BIRC6: variants seen among roughly 807,000 people sequenced by gnomAD.
BIRC6 encodes baculoviral IAP repeat containing 6.
In BIRC6, 98 loss-of-function variants were observed where a neutral mutation model predicts 503.3. The ratio of observed to expected loss-of-function variants is 0.19; its 90% CI spans 0.17 to 0.23. The LOEUF is 0.23. Ranked by LOEUF, BIRC6 falls within the 10% of genes least tolerant of loss-of-function variation. BIRC6 has a pLI of 1.00. For synonymous variants in BIRC6, 2,240 were observed against 2,078.7 expected (o/e 1.08, Z -2.11); for missense variants, 5,360 against 5,806.0 (o/e 0.92, Z 2.50).
At position 32,500,136 on chromosome 2, in the gene BIRC6, C is replaced by T. The variant is rs1380920881; in HGVS notation, c.9031+27C>T. ...TATGTATTGAGAATATTAATCTTACCATTGTCTCTGATACTATAACTGGTT... is the reference window on the plus strand; with the variant it reads ...TATGTATTGAGAATATTAATCTTACTATTGTCTCTGATACTATAACTGGTT... On this transcript the variant is annotated intron_variant, in intron 46 of 73. Coordinates refer to ENST00000421745, the MANE Select transcript of BIRC6 (RefSeq NM_016252.4). 4.6e-6 allele frequency: 7 copies of T among 1,537,736 alleles called. No individual in the cohort carries two copies. In the South Asian group the frequency reaches 5.0e-5, roughly 11 times the overall value.
At chr2:32,460,673 G>C (rs2047798320) in intron 23 of BIRC6, among the ~76,000 whole-genome samples, 1 of 151,802 alleles carries the variant, frequency 6.6e-6, no homozygotes, top group Non-Finnish European at 1.5e-5. Context: ...AAAGATTTCT[G>C]ATTAGTTCTA....
intron 26 of BIRC6, 35 bp from the exon 27 acceptor site, chr2:32,467,490 T>C (rs2048685728): frequency 3.3e-6 from 5 of 1,537,494 alleles, no homozygotes; most frequent in East Asian, 2.3e-5. Flanking sequence ...TTAATTGATA[T>C]ATTTTTGGTC....
At position 32,509,961 on chromosome 2, in the gene BIRC6, A is replaced by C; in HGVS notation, c.10204A>C (p.Arg3402=). ...CCTGAAGCTCATAGACATTCTCCTG[A>C]GAAATTGTGCAGCATCAGGCAGTGA... ...IGLKLIDILL[R]NCAASGSDPT... Residue 3402 remains arginine, a synonymous_variant, in exon 52 of 74, where the codon AGA becomes CGA. Transcript: ENST00000421745. The C allele has an allele frequency of 6.2e-7, 1 of 1,614,000 alleles. No homozygotes were observed. Among genetic ancestry groups the C allele is most frequent in the Non-Finnish European group, 8.5e-7 (1 of 1,179,888 alleles).
At chr2:32,584,678 A>G (rs1344619065) in intron 66 of BIRC6, among the ~76,000 whole-genome samples, 3 of 152,206 alleles carry the variant, frequency 2.0e-5, no homozygotes. Flanking sequence ...TAAACCCTAA[A>G]TATTGGTTCT....
intron 15 of BIRC6, among the ~76,000 whole-genome samples, chr2:32,437,611 G>C (rs2044871216): frequency 6.6e-6 from 1 of 152,106 alleles, no homozygotes; most frequent in Non-Finnish European, 1.5e-5. Context: ...ATTCTTTTCT[G>C]GTTTTGGAAT....
intron 23 of BIRC6, among the ~76,000 whole-genome samples, chr2:32,459,324 G>T (rs1385795409): frequency 2.0e-5 from 3 of 152,098 alleles, no homozygotes; most frequent in African/African-American, 7.2e-5. Flanking sequence ...TCATCTACGG[G>T]TAAAGATTTA....
At chr2:32,492,729 C>G (rs987673086) in intron 44 of BIRC6, among the ~76,000 whole-genome samples, 4 of 151,978 alleles carry the variant, frequency 2.6e-5, no homozygotes, top group Admixed American at 2.6e-4. Context: ...TACTGAAGAT[C>G]AAGCTTTCCT....
chr2:32,461,043 T>TCTCCTCTCCTCTCC lies in BIRC6; in HGVS notation c.4754-2151_4754-2150insCTCCTCTCCTCTCC, dbSNP rs1558789533. On this transcript the variant is annotated intron_variant, in intron 23 of 73. Transcript: ENST00000421745. Reference sequence around the variant, plus strand: ...TTCTCTTCTCTTCTCTTCTCTTCTCTTCTCTTCTCTTCTCTTCTCTTCTGT... The same window carrying TCTCCTCTCCTCTCC: ...TTCTCTTCTCTTCTCTTCTCTTCTCTCTCCTCTCCTCTCCTCTCTTCTCTTCTCTTCTCTTCTGT... 3.2e-5 allele frequency among the ~76,000 whole-genome samples: 2 copies of TCTCCTCTCCTCTCC among 62,078 alleles called. 1 individual carries two copies. Among genetic ancestry groups the TCTCCTCTCCTCTCC allele is most frequent in the Non-Finnish European group, 8.0e-5 (2 of 24,880 alleles). 40.7% of individuals were successfully genotyped at this position (62,078 alleles called of 152,430 possible). A position where few individuals can be genotyped will look rare whatever the true frequency, so the allele number is the denominator to read the frequency against.
At chr2:32,370,673 T>G (rs1245794167) in intron 1 of BIRC6, among the ~76,000 whole-genome samples, 1 of 152,194 alleles carries the variant, frequency 6.6e-6, no homozygotes, top group Non-Finnish European at 1.5e-5. Context: ...AACCTTACAT[T>G]AATTTTGTAC....
intron 5 of BIRC6, among the ~76,000 whole-genome samples, chr2:32,392,417 G>C (rs1451886140): frequency 6.6e-6 from 1 of 151,886 alleles, no homozygotes; most frequent in African/African-American, 2.4e-5. Context: ...CATCACACCT[G>C]GCTAATTTTT....
intron 66 of BIRC6, among the ~76,000 whole-genome samples, chr2:32,592,157 G>A (rs1187429876): frequency 1.3e-5 from 2 of 152,130 alleles, no homozygotes; most frequent in Non-Finnish European, 2.9e-5. Context: ...TCAGATACAT[G>A]TACATAGACG....
intron 29 of BIRC6, 114 bp from the exon 30 acceptor site, chr2:32,469,281 A>AATATAATTATCT: frequency 1.3e-6 from 1 of 789,372 alleles, no homozygotes; most frequent in East Asian, 2.7e-5. Context: ...GAATAAATAG[A>AATATAATTATCT]ATATAATTAT....
At chr2:32,419,460 TAA>T (rs568523269) in intron 10 of BIRC6, among the ~76,000 whole-genome samples, 1 of 151,920 alleles carries the variant, frequency 6.6e-6, no homozygotes, top group Non-Finnish European at 1.5e-5. Context: ...AGGCATAAAA[TAA>T]AAAAGTATGA....
chr2:32,499,712 G>T lies in BIRC6; in HGVS notation c.8634G>T (p.Met2878Ile). ...HHYITCSDKV[M>I]SRSGSDSSVG... is the part of the protein sequence containing the mutation. ...ATATCACTTGCTCAGACAAAGTAAT[G>T]TCAAGAAGTGGATCAGATAGCTCCG... The change falls in exon 46 of 74, where the codon ATG (methionine) becomes ATT (isoleucine). Residue 2878 changes from methionine (M) to isoleucine (I), a missense_variant. Transcript: ENST00000421745. 6.2e-7 allele frequency: 1 copy of T among 1,614,004 alleles called. No individual in the cohort carries two copies. The highest frequency in any genetic ancestry group is 8.5e-7 in the Non-Finnish European group (1 of 1,179,884).
chr2:32,529,578 A>G, intron 59 of BIRC6, 73 bp from the exon 60 acceptor site: 1 of 1,312,410 alleles, frequency 7.6e-7, no homozygotes, highest in Non-Finnish European at 1.0e-6. Context: ...AATTTAGTAA[A>G]AGCAGATAAT....
At chr2:32,554,692 A>AT (rs2058657888) in intron 65 of BIRC6, among the ~76,000 whole-genome samples, 1 of 152,036 alleles carries the variant, frequency 6.6e-6, no homozygotes, top group Non-Finnish European at 1.5e-5. Flanking sequence ...CCATTACTGC[A>AT]TTTTGATATA....
At chr2:32,540,394 A>G (rs931877594) in intron 61 of BIRC6, among the ~76,000 whole-genome samples, 2 of 152,050 alleles carry the variant, frequency 1.3e-5, no homozygotes. Context: ...CATCTAATTT[A>G]AAATAATTTA....
chr2:32,461,116 T>C (rs182522667), intron 23 of BIRC6, among the ~76,000 whole-genome samples: 1 of 7,718 alleles, frequency 1.3e-4, no homozygotes, highest in Non-Finnish European at 2.4e-4. Flanking sequence ...TCCTCTCCTC[T>C]CCTCTCCTCT....
chr2:32,525,774 CGAAGA>C, intron 59 of BIRC6, 146 bp downstream of exon 59: 1 of 735,720 alleles, frequency 1.4e-6, no homozygotes, highest in East Asian at 2.8e-5. Flanking sequence ...ACAGTTCCTC[CGAAGA>C]GAAGTGAGAG....
Sources: allele counts gnomAD v4.1 joint callset (sites outside exome capture counted in the v4.1 genomes callset), GRCh38; gene constraint gnomAD v4.1.1; transcripts MANE v1.5; gene names NCBI Gene and HGNC (gene_info 2026-07-23, HGNC 2026-07-21).